The following PDE1C variants were observed in gnomAD, a reference collection of about 807,000 sequenced individuals.
PDE1C encodes dual specificity calcium/calmodulin-dependent 3',5'-cyclic nucleotide phosphodiesterase 1C.
In PDE1C, 62 loss-of-function variants were observed where a neutral mutation model predicts 93.1. The ratio of observed to expected loss-of-function variants is 0.67; its 90% confidence interval spans 0.54 to 0.82. The LOEUF (loss-of-function observed/expected upper bound fraction) is 0.82, where lower values mean the gene tolerates loss of function less well. Among genes scored for constraint, PDE1C ranks in the 40% least tolerant of loss-of-function variants. The pLI is 0.00. For missense variants in PDE1C, 742 were observed against 884.6 expected (o/e 0.84, Z 2.04); for synonymous variants, 325 against 310.1 (o/e 1.05, Z -0.50).
chr7:31,781,836 T>A (rs1783439791), intron 16 of PDE1C, among the ~76,000 whole-genome samples: 1 of 152,146 alleles, frequency 6.6e-6, no homozygotes, highest in African/African-American at 2.4e-5. Context: ...TTTGAATATG[T>A]CTGTTCATCA....
At chr7:31,907,745 A>G (rs1800773188) in intron 2 of PDE1C, among the ~76,000 whole-genome samples, 1 of 152,204 alleles carries the variant, frequency 6.6e-6, no homozygotes, top group African/African-American at 2.4e-5. Context: ...ACATAGCTGG[A>G]AAATATCTCG....
At chr7:31,891,900 T>C (rs1798695872) in intron 2 of PDE1C, among the ~76,000 whole-genome samples, 2 of 152,222 alleles carry the variant, frequency 1.3e-5, no homozygotes, top group South Asian at 2.1e-4. Context: ...AATATCAGTA[T>C]CTTGGGTTGT....
chr7:31,927,923 C>T (rs1803617947), intron 2 of PDE1C, among the ~76,000 whole-genome samples: 1 of 152,092 alleles, frequency 6.6e-6, no homozygotes, highest in African/African-American at 2.4e-5. Flanking sequence ...GGGCACACAA[C>T]TGGATGGAGA....
chr7:32,294,265 G>C (rs868136828), intron 1 of PDE1C, among the ~76,000 whole-genome samples: 1 of 152,236 alleles, frequency 6.6e-6, no homozygotes, highest in African/African-American at 2.4e-5. Context: ...ACACAAGGCA[G>C]AAAAGCCAGT....
chr7:31,727,705 T>G, the PDE1C span, among the ~76,000 whole-genome samples: 1 of 152,140 alleles, frequency 6.6e-6, no homozygotes, highest in Non-Finnish European at 1.5e-5. Context: ...TTTCTTTAAT[T>G]TTTTTAGACT....
chr7:31,817,335 G>C (rs1788397070), intron 14 of PDE1C, among the ~76,000 whole-genome samples: 2 of 152,158 alleles, frequency 1.3e-5, no homozygotes, highest in Admixed American at 1.3e-4. Flanking sequence ...CCATGAGGTA[G>C]AAATGAGCTT....
chr7:31,771,668 T>G (rs1446297896), intron 17 of PDE1C, among the ~76,000 whole-genome samples: 1 of 152,184 alleles, frequency 6.6e-6, no homozygotes, highest in African/African-American at 2.4e-5. Context: ...GAAAATATTT[T>G]CTCATATTGT....
intron 3 of PDE1C, among the ~76,000 whole-genome samples, chr7:32,134,577 C>T (rs960809036): frequency 3.9e-5 from 6 of 152,010 alleles, no homozygotes; most frequent in African/African-American, 1.4e-4. Flanking sequence ...ATTATGCAGC[C>T]ATAAAAAAGA....
intron 1 of PDE1C, among the ~76,000 whole-genome samples, chr7:32,259,907 T>A (rs908213680): frequency 6.6e-6 from 1 of 152,114 alleles, no homozygotes; most frequent in Non-Finnish European, 1.5e-5. Flanking sequence ...TCAAGTGACA[T>A]GAGGTAAACA....
intron 2 of PDE1C, among the ~76,000 whole-genome samples, chr7:32,000,175 C>T (rs556056489): frequency 1.3e-5 from 2 of 152,134 alleles, no homozygotes; most frequent in Admixed American, 6.5e-5. Flanking sequence ...TGGGCTTCAC[C>T]GCTCAGGAAA....
intron 1 of PDE1C, among the ~76,000 whole-genome samples, chr7:32,242,160 A>G (rs1189740633): frequency 6.6e-6 from 1 of 152,168 alleles, no homozygotes; most frequent in East Asian, 1.9e-4. Flanking sequence ...GGGTTTGCCA[A>G]GCAAATAGAG....
At chr7:32,061,886 G>A (rs1794854131) in intron 1 of PDE1C, among the ~76,000 whole-genome samples, 1 of 152,002 alleles carries the variant, frequency 6.6e-6, no homozygotes, top group Non-Finnish European at 1.5e-5. Context: ...ACTATTTAGG[G>A]GTCACACTAA....
chr7:31,719,242 C>A, the PDE1C span, among the ~76,000 whole-genome samples: 4 of 152,210 alleles, frequency 2.6e-5, no homozygotes, highest in South Asian at 2.1e-4. Flanking sequence ...TCCCAGCCAT[C>A]CCTAGTACTC....
the PDE1C span, chr7:31,643,328 C>A: frequency 6.2e-7 from 1 of 1,613,976 alleles, no homozygotes; most frequent in Non-Finnish European, 8.5e-7. Flanking sequence ...ACACCTTATG[C>A]AACTGACCTT....
the PDE1C span, chr7:31,643,283 G>T: frequency 6.8e-5 from 109 of 1,613,694 alleles, 3 homozygotes; most frequent in Admixed American, 1.8e-3. Flanking sequence ...GTACCAGAAA[G>T]CTCATCACAG....
the PDE1C span, chr7:31,707,251 G>T: frequency 2.5e-5 from 40 of 1,613,922 alleles, no homozygotes; most frequent in Non-Finnish European, 3.2e-5. Flanking sequence ...CGTGGAAGAT[G>T]ACGAAAAGGA....
At chr7:32,179,648 C>T (rs758696691) in intron 2 of PDE1C, among the ~76,000 whole-genome samples, 26 of 151,960 alleles carry the variant, frequency 1.7e-4, no homozygotes, top group Admixed American at 3.3e-4. Flanking sequence ...TGAGAAAAGA[C>T]AAGAAAGCAA....
At chr7:31,693,575 G>A in the PDE1C span, among the ~76,000 whole-genome samples, 274 of 152,224 alleles carry the variant, frequency 1.8e-3, no homozygotes, top group Non-Finnish European at 2.5e-3. Flanking sequence ...GTATAACACC[G>A]TTGTAGACTT....
intron 16 of PDE1C, among the ~76,000 whole-genome samples, chr7:31,799,573 GA>G (rs1216920579): frequency 6.6e-6 from 1 of 151,288 alleles, no homozygotes; most frequent in African/African-American, 2.4e-5. Context: ...AATTAAAAAA[GA>G]AAAAAACAGA....
Sources: allele counts gnomAD v4.1 joint callset (sites outside exome capture counted in the v4.1 genomes callset), GRCh38; gene constraint gnomAD v4.1.1; transcripts MANE v1.5; gene names NCBI Gene and HGNC (gene_info 2026-07-23, HGNC 2026-07-21).